Variants in TNS3 observed in about 807,000 individuals in gnomAD.
TNS3 encodes tensin-3.
In TNS3, 45 loss-of-function variants were observed where a neutral mutation model predicts 140.9. The ratio of observed to expected loss-of-function variants is 0.32; its 90% CI spans 0.25 to 0.41. TNS3 has a LOEUF of 0.41. Among genes scored for constraint, TNS3 ranks in the 10% least tolerant of loss-of-function variants. The probability of loss-of-function intolerance (pLI) is 1.00; values close to 1 mark genes in which losing one functional copy is unlikely to be tolerated. For synonymous variants in TNS3, 815 were observed against 788.4 expected (o/e 1.03, Z -0.56); for missense variants, 1,716 against 1,906.7 (o/e 0.90, Z 1.86).
chr7:47,486,322 T>A (rs1289012274), intron 3 of TNS3, among the ~76,000 whole-genome samples: 3 of 151,912 alleles, frequency 2.0e-5, no homozygotes, highest in Non-Finnish European at 4.4e-5. Flanking sequence ...TGTGTGTGTT[T>A]CTATGTATGC....
At chr7:47,514,200 G>A (rs997264063) in intron 2 of TNS3, among the ~76,000 whole-genome samples, 1 of 152,216 alleles carries the variant, frequency 6.6e-6, no homozygotes, top group African/African-American at 2.4e-5. Context: ...TTAACCCACA[G>A]CGGGGGACCG....
intron 4 of TNS3, among the ~76,000 whole-genome samples, chr7:47,473,379 GA>G (rs1317654632): frequency 6.6e-6 from 1 of 152,168 alleles, no homozygotes; most frequent in Non-Finnish European, 1.5e-5. Context: ...TGACCTAATA[GA>G]ACTCAATTTC....
chr7:47,401,286 C>T (rs532951289), intron 13 of TNS3, among the ~76,000 whole-genome samples: 1 of 152,318 alleles, frequency 6.6e-6, no homozygotes, highest in African/African-American at 2.4e-5. Context: ...AATAGAATTC[C>T]ATGGTCTCTT....
intron 4 of TNS3, among the ~76,000 whole-genome samples, chr7:47,452,288 C>T (rs941070794): frequency 6.6e-6 from 1 of 152,160 alleles, no homozygotes; most frequent in African/African-American, 2.4e-5. Flanking sequence ...TTTCCCAAAG[C>T]CACACAGTTA....
chr7:47,285,077 G>C (rs1250457723), intron 27 of TNS3, among the ~76,000 whole-genome samples: 1 of 152,208 alleles, frequency 6.6e-6, no homozygotes, highest in African/African-American at 2.4e-5. Context: ...AGGTGCACTG[G>C]AAGGTGTGCT....
intron 17 of TNS3, among the ~76,000 whole-genome samples, chr7:47,363,891 C>T (rs1346569673): frequency 6.6e-6 from 1 of 152,174 alleles, no homozygotes; most frequent in Non-Finnish European, 1.5e-5. Flanking sequence ...CCTATTCACA[C>T]ATGGATCTAA....
intron 16 of TNS3, among the ~76,000 whole-genome samples, chr7:47,385,520 T>A (rs1792026090): frequency 6.6e-6 from 1 of 152,154 alleles, no homozygotes; most frequent in African/African-American, 2.4e-5. Flanking sequence ...GGAGACTGCA[T>A]CCTGGATCCT....
rs371863787 is a variant in TNS3 at position 47,298,096 on chromosome 7, T to C, written c.3545-883A>G. 1.4e-4 allele frequency among the ~76,000 whole-genome samples: 22 copies of C among 152,210 alleles called. No individual in the cohort carries two copies. In the East Asian group the frequency reaches 2.1e-3, roughly 15 times the overall value. ...CCACTGCGCCTGGCCAGGAAAGAAG[T>C]TTCTAATTACATTTTCTGATGATAG... is the stretch of plus-strand genomic sequence containing the variant. On this transcript the variant is annotated intron_variant, in intron 23 of 30. Transcript: ENST00000311160.
At chr7:47,545,520 C>A (rs1799898352) in intron 1 of TNS3, among the ~76,000 whole-genome samples, 1 of 152,206 alleles carries the variant, frequency 6.6e-6, no homozygotes, top group Non-Finnish European at 1.5e-5. Context: ...GCTTCAAAAC[C>A]TGCACCAGAT....
chr7:47,302,931 C>A lies in TNS3; in HGVS notation c.3457+19G>T. 6.3e-7 allele frequency: 1 copy of A among 1,575,570 alleles called. No homozygotes were observed. The highest frequency in any genetic ancestry group is 8.6e-7 in the Non-Finnish European group (1 of 1,158,356). On this transcript the variant is annotated intron_variant, in intron 22 of 30. Coordinates refer to ENST00000311160, the MANE Select transcript of TNS3 (RefSeq NM_022748.12). ...GAATGGACAGAGGGGCCCTTCCAAC[C>A]AGCTGGAAACACACCTACCTGGCAG... is the stretch of plus-strand genomic sequence containing the variant.
At chr7:47,448,070 C>T (rs1465259905) in intron 4 of TNS3, among the ~76,000 whole-genome samples, 1 of 152,238 alleles carries the variant, frequency 6.6e-6, no homozygotes, top group Non-Finnish European at 1.5e-5. Context: ...GAAAGGGCCA[C>T]TGGAGATTCC....
At position 47,369,008 on chromosome 7, in the gene TNS3, G is replaced by A. The variant is rs375420968; in HGVS notation, c.1638C>T (p.Asp546=). The A allele has an allele frequency of 5.3e-5, 86 of 1,614,014 alleles. No individual in the cohort carries two copies. Among genetic ancestry groups the A allele is most frequent in the South Asian group, 5.5e-5 (5 of 91,086 alleles). The change falls in exon 17 of 31, where the codon GAC becomes GAT. Residue 546 remains aspartate, a synonymous_variant. Transcript: ENST00000311160. The part of the protein sequence containing the change: ...TLVPDLGLGM[D]GPYERERTFG... Reference sequence around the variant, plus strand: ...AAGTCCGCTCCCGCTCATAGGGGCCGTCCATGCCAAGGCCCAGGTCCGGAA... The same window carrying A: ...AAGTCCGCTCCCGCTCATAGGGGCCATCCATGCCAAGGCCCAGGTCCGGAA...
intron 11 of TNS3, among the ~76,000 whole-genome samples, chr7:47,414,198 A>C (rs1338393080): frequency 6.6e-6 from 1 of 152,166 alleles, no homozygotes; most frequent in Non-Finnish European, 1.5e-5. Context: ...AGAGCAACAC[A>C]GTTTGACCTT....
chr7:47,319,066 A>G (rs1034697345), intron 20 of TNS3, among the ~76,000 whole-genome samples: 1 of 152,216 alleles, frequency 6.6e-6, no homozygotes, highest in Non-Finnish European at 1.5e-5. Context: ...GTGGCTCAAC[A>G]GCTGAAGTCC....
intron 4 of TNS3, among the ~76,000 whole-genome samples, chr7:47,451,608 A>C (rs930052008): frequency 2.0e-5 from 3 of 152,078 alleles, no homozygotes; most frequent in Non-Finnish European, 2.9e-5. Flanking sequence ...AAAAGAAACA[A>C]AAGCCACGGA....
At chr7:47,354,208 G>C (rs1265021844) in intron 17 of TNS3, among the ~76,000 whole-genome samples, 1 of 152,176 alleles carries the variant, frequency 6.6e-6, no homozygotes, top group African/African-American at 2.4e-5. Context: ...CAGGAAAAGA[G>C]AAGAAAAAGG....
At chr7:47,286,024 A>C (rs1368497458) in intron 27 of TNS3, among the ~76,000 whole-genome samples, 1 of 152,212 alleles carries the variant, frequency 6.6e-6, no homozygotes, top group Non-Finnish European at 1.5e-5. Flanking sequence ...AGCCTGGAGA[A>C]TTCAAAACAG....
chr7:47,419,602 G>A (rs76047096), intron 10 of TNS3, among the ~76,000 whole-genome samples: 3,938 of 152,278 alleles, frequency 0.026, 86 homozygotes, highest in Middle Eastern at 0.041. Context: ...GGATGAAAGC[G>A]GCTTGAATTC....
rs762455873 is a variant in TNS3, at chr7:47,400,361, A to G, written c.919+32T>C. 11 of 1,603,804 alleles carry G rather than the reference A, an allele frequency of 6.9e-6. No homozygotes were observed. In the South Asian group the frequency reaches 1.2e-4, roughly 18 times the overall value. On this transcript the variant is annotated intron_variant, in intron 15 of 30. Coordinates refer to ENST00000311160, the MANE Select transcript of TNS3 (RefSeq NM_022748.12). The stretch of plus-strand genomic sequence containing the variant: ...CATGCACCTTTCACCAGTGTCAGCA[A>G]GGACCACCCAGTATTCCACCAAGCT...
Sources: gnomAD v4.1 joint callset for allele counts (sites outside exome capture counted in the v4.1 genomes callset) on GRCh38, gnomAD v4.1.1 for gene constraint, MANE v1.5 for transcripts, NCBI Gene and HGNC (gene_info 2026-07-23, HGNC 2026-07-21) for gene names.